Variants in WDR91 observed in about 807,000 individuals in gnomAD.
WDR91 encodes the protein WD repeat-containing protein 91.
Under a neutral mutation model 88.4 loss-of-function variants are expected in WDR91, and 52 were observed. The ratio of observed to expected loss-of-function variants is 0.59; its 90% CI spans 0.47 to 0.74. The LOEUF is 0.74. Ranked by LOEUF, WDR91 falls within the 30% of genes least tolerant of loss-of-function variation. The pLI is 0.00. For synonymous variants in WDR91, 362 were observed against 389.5 expected (o/e 0.93, Z 0.83); for missense variants, 824 against 954.5 (o/e 0.86, Z 1.80).
Position 135,196,135 on chromosome 7 carries a change from C to T in WDR91, c.1244+9G>A. On this transcript the variant is annotated intron_variant, in intron 8 of 14. Coordinates refer to ENST00000354475, the MANE Select transcript of WDR91 (RefSeq NM_014149.4). The surrounding 1 kb of genome is among the most constrained non-coding windows in gnomAD (Gnocchi z 4.2). ...TCCCAGGGTTTCCTTGGCCCCAGGCCCAACCCACCTGCAGTGCATGATGGA... is the reference window on the plus strand; with the variant it reads ...TCCCAGGGTTTCCTTGGCCCCAGGCTCAACCCACCTGCAGTGCATGATGGA... 1 of 1,494,830 alleles carries T rather than the reference C, an allele frequency of 6.7e-7. No homozygotes were observed. Among genetic ancestry groups the T allele is most frequent in the Non-Finnish European group, 9.0e-7 (1 of 1,116,280 alleles). 92.6% of individuals were successfully genotyped at this position (1,494,830 alleles called of 1,614,324 possible).
chr7:135,198,337 C>T (rs2117674685), intron 6 of WDR91, 186 bp from the exon 7 acceptor site: 1 of 608,064 alleles, frequency 1.6e-6, no homozygotes, highest in Non-Finnish European at 2.8e-6. Flanking sequence ...CCTTTCTGTC[C>T]TCTACCCGTT....
chr7:135,185,663 A>C lies in WDR91; in HGVS notation c.*488T>G. 1 of 152,604 alleles carries C rather than the reference A, an allele frequency of 6.6e-6. No homozygotes were observed. The highest frequency in any genetic ancestry group is 3.4e-3 in the Middle Eastern group (1 of 296). The allele number at this position is 152,604 out of a possible 1,614,324, so 9.5% of individuals were successfully genotyped here. A position where few individuals can be genotyped will look rare whatever the true frequency, so the allele number is the denominator to read the frequency against. On this transcript the variant is annotated 3_prime_UTR_variant, in exon 15 of 15. Transcript: ENST00000354475. Reference sequence around the variant, plus strand: ...AGAGAGCTGACCTGGCTCCATGGCAAAGCAACAGGAGAGCCTGGAGAGGTT... The same window carrying C: ...AGAGAGCTGACCTGGCTCCATGGCACAGCAACAGGAGAGCCTGGAGAGGTT...
At chr7:135,201,966 C>T (rs1379465599) in intron 6 of WDR91, 1 of 151,970 alleles carries the variant, frequency 6.6e-6, no homozygotes, top group Non-Finnish European at 1.5e-5. Flanking sequence ...GAAATCATGC[C>T]ATAGGGACAA....
At chr7:135,195,998 C>A (rs1375094102) in intron 8 of WDR91, 146 bp downstream of exon 8, 2 of 708,828 alleles carry the variant, frequency 2.8e-6, no homozygotes, top group Middle Eastern at 5.8e-4. Flanking sequence ...ACTGGCAGCT[C>A]CAACCGACTC....
In WDR91 at chr7:135,193,252, G is replaced by A. The variant is rs955697111; in HGVS notation, c.1638C>T (p.Asp546=). The A allele has an allele frequency of 1.2e-6, 2 of 1,613,998 alleles. No individual in the cohort carries two copies. The highest frequency in any genetic ancestry group is 3.3e-5 in the Admixed American group (2 of 60,014). Residue 546 remains aspartate, a synonymous_variant, in exon 11 of 15, where the codon GAC becomes GAT. Transcript: ENST00000354475. ...NQVPGRLLLW[D]TKTMKQQLQF... ...GTACCTGCTGCTTCATGGTTTTCGT[G>A]TCCCACAGCAGCAGCCTGCCAGGAA...
intron 4 of WDR91, 64 bp from the exon 5 acceptor site, chr7:135,206,122 T>C: frequency 6.2e-7 from 1 of 1,607,970 alleles, no homozygotes; most frequent in Non-Finnish European, 8.5e-7. Flanking sequence ...CGGAGGAAGA[T>C]TTCTAGACAC....
intron 4 of WDR91, among the ~76,000 whole-genome samples, chr7:135,206,776 T>TAC (rs1408104945): frequency 9.9e-5 from 15 of 151,482 alleles, no homozygotes; most frequent in Admixed American, 6.6e-5. Flanking sequence ...TATATATATA[T>TAC]ACACACATAT....
At chr7:135,209,893 A>C (rs565381647) in intron 1 of WDR91, 138 bp from the exon 2 acceptor site, 1 of 665,274 alleles carries the variant, frequency 1.5e-6, no homozygotes, top group African/African-American at 1.9e-5. Flanking sequence ...AAAATTTTCA[A>C]AACATACTAA....
At chr7:135,197,331 G>A (rs1004633386) in intron 7 of WDR91, 2 of 152,292 alleles carry the variant, frequency 1.3e-5, no homozygotes, top group Non-Finnish European at 2.9e-5. Flanking sequence ...CCAATTATGA[G>A]ATAAATGGTG....
intron 6 of WDR91, among the ~76,000 whole-genome samples, chr7:135,202,590 G>T (rs977559980): frequency 3.9e-5 from 6 of 152,304 alleles, no homozygotes; most frequent in Non-Finnish European, 7.3e-5. Context: ...GTGACACACA[G>T]TTCCTAACCA....
At chr7:135,201,603 T>C (rs2117688346) in intron 6 of WDR91, 1 of 152,360 alleles carries the variant, frequency 6.6e-6, no homozygotes, top group South Asian at 2.1e-4. Flanking sequence ...GAAAGTCTAA[T>C]CATTTTTACA....
chr7:135,204,949 C>T (rs912771103), intron 5 of WDR91, among the ~76,000 whole-genome samples: 1 of 151,648 alleles, frequency 6.6e-6, no homozygotes. Context: ...GTATTTGGCT[C>T]GCATTTTATT....
rs557800494 is a variant in WDR91 at position 135,187,663 on chromosome 7, A to G, written c.1882-494T>C. On this transcript the variant is annotated intron_variant, in intron 13 of 14. Coordinates refer to ENST00000354475, the MANE Select transcript of WDR91 (RefSeq NM_014149.4). ...GTTTCAGGCATATAATCAATTGAACACTGGGCGATGCCATTATAAACTCAG... is the reference window on the plus strand; with the variant it reads ...GTTTCAGGCATATAATCAATTGAACGCTGGGCGATGCCATTATAAACTCAG... Among the ~76,000 whole-genome samples the G allele has an allele frequency of 2.0e-5, 3 of 152,316 alleles. No individual in the cohort carries two copies. In the East Asian group the frequency reaches 5.8e-4, roughly 29 times the overall value.
chr7:135,209,484 C>T (rs1831933994), intron 2 of WDR91, 92 bp downstream of exon 2: 2 of 1,300,150 alleles, frequency 1.5e-6, no homozygotes, highest in Admixed American at 2.6e-5. Context: ...TAGTCACATA[C>T]AGATTCCTCC....
chr7:135,186,874 G>A, intron 14 of WDR91, 98 bp downstream of exon 14: 2 of 1,417,454 alleles, frequency 1.4e-6, no homozygotes, highest in South Asian at 2.4e-5. Flanking sequence ...ATGCAGCTCG[G>A]GGTAGAGGGC....
At chr7:135,206,811 C>A (rs1831806397) in intron 4 of WDR91, among the ~76,000 whole-genome samples, 2 of 151,384 alleles carry the variant, frequency 1.3e-5, no homozygotes, top group Non-Finnish European at 2.9e-5. Flanking sequence ...AAAGACAAAA[C>A]AGACACATGA....
At chr7:135,210,414 A>G (rs1033013277) in intron 1 of WDR91, among the ~76,000 whole-genome samples, 40 of 152,240 alleles carry the variant, frequency 2.6e-4, no homozygotes, top group African/African-American at 8.7e-4. Context: ...TTTTTAAAAA[A>G]GGGGGTGGGG....
In WDR91 at chr7:135,187,153, A is replaced by G; in HGVS notation, c.1898T>C (p.Ile633Thr). 6.2e-7 allele frequency: 1 copy of G among 1,614,168 alleles called. No homozygotes were observed. The highest frequency in any genetic ancestry group is 8.5e-7 in the Non-Finnish European group (1 of 1,180,042). ...GEDGKFIQWN[I>T]HKSGLKVSEY... ...GGATACCTTGAGGCCACTCTTGTGG[A>G]TGTTCCACTGGATGAACTGCAGTCA... Residue 633 changes from isoleucine to threonine, a missense_variant, in exon 14 of 15, where the codon ATC becomes ACC. By Grantham distance (89) the Ile-to-Thr change is moderately conservative. Coordinates refer to ENST00000354475, the MANE Select transcript of WDR91 (RefSeq NM_014149.4).
In WDR91 at chr7:135,204,397, G is replaced by A. The variant is rs1831686499; in HGVS notation, c.762C>T (p.Ser254=). 9 of 1,614,064 alleles carry A rather than the reference G, an allele frequency of 5.6e-6. No individual in the cohort carries two copies. The highest frequency in any genetic ancestry group is 1.3e-5 in the African/African-American group (1 of 74,928). Residue 254 remains serine, a synonymous_variant, in exon 6 of 15, where the codon TCC becomes TCT. Coordinates refer to ENST00000354475, the MANE Select transcript of WDR91 (RefSeq NM_014149.4). ...ACAGGAAGCCCACACGAGGTGACTG[G>A]GAGAGGGAGGCATTCCTTTGGCTGC... ...MVCSQRNASL[S]QSPRVGFLSS... is the part of the protein sequence containing the mutation.
Sources: gnomAD v4.1 joint callset for allele counts (sites outside exome capture counted in the v4.1 genomes callset) on GRCh38, gnomAD v4.1.1 for gene constraint, Gnocchi (gnomAD v3.1) non-coding constraint, MANE v1.5 for transcripts, NCBI Gene and HGNC (gene_info 2026-07-23, HGNC 2026-07-21) for gene names.